DNASE1: variants seen among roughly 807,000 people sequenced by gnomAD.
DNASE1 encodes the protein deoxyribonuclease 1.
In DNASE1, 40 loss-of-function variants were observed where a neutral mutation model predicts 33.9. The observed-to-expected ratio is 1.18, with a 90% CI of 0.92 to 1.54. DNASE1 has a LOEUF of 1.54. Ranked by LOEUF, DNASE1 falls within the 40% of genes most tolerant of loss-of-function variation. DNASE1 has a pLI of 0.00. For synonymous variants in DNASE1, 216 were observed against 160.0 expected (o/e 1.35, Z -2.64); for missense variants, 518 against 372.6 (o/e 1.39, Z -3.21).
intron 1 of DNASE1, among the ~76,000 whole-genome samples, chr16:3,629,494 G>T (rs551936918): frequency 5.3e-5 from 8 of 152,284 alleles, no homozygotes; most frequent in African/African-American, 1.9e-4. Flanking sequence ...GCTAGTATTT[G>T]TAGAGGATTT....
chr16:3,662,592 G>C (rs2043148697), downstream of DNASE1: 1 of 622,978 alleles, frequency 1.6e-6, no homozygotes. Flanking sequence ...CCCTTGTTTG[G>C]AACCCCCACG....
downstream of DNASE1, chr16:3,660,750 CAT>C (rs969810861): frequency 2.0e-5 from 3 of 152,128 alleles, no homozygotes; most frequent in African/African-American, 7.2e-5. Flanking sequence ...AAAAACTAGA[CAT>C]GTACTAAAGA....
chr16:3,625,706 G>A (rs967258626), intron 1 of DNASE1, among the ~76,000 whole-genome samples: 2 of 152,148 alleles, frequency 1.3e-5, no homozygotes, highest in African/African-American at 2.4e-5. Context: ...TGACTTTGGG[G>A]TAGGCAAAAA....
At position 3,658,007 on chromosome 16, in the gene DNASE1, C is replaced by A. The variant is rs1036462846; in HGVS notation, c.*54C>A. 4.3e-6 allele frequency: 7 copies of A among 1,611,806 alleles called. No homozygotes were observed. The African/African-American group carries it at 9.4e-5, about 22-fold the overall frequency. ...CAGGAAGAGAGGACCCATCCTGCCACAGGACCCAGAAAAAAAGCCCAACAC... is the reference window on the plus strand; with the variant it reads ...CAGGAAGAGAGGACCCATCCTGCCAAAGGACCCAGAAAAAAAGCCCAACAC... On this transcript the variant is annotated 3_prime_UTR_variant, in exon 9 of 9. Coordinates refer to ENST00000246949, the MANE Select transcript of DNASE1 (RefSeq NM_005223.4).
upstream of DNASE1, chr16:3,654,623 C>T (rs1421496290): frequency 5.0e-6 from 2 of 398,792 alleles, no homozygotes; most frequent in Non-Finnish European, 8.8e-6. Context: ...GTGCAAGGGA[C>T]ACGGGATAGG....
downstream of DNASE1, chr16:3,658,143 G>A: frequency 1.9e-6 from 3 of 1,614,082 alleles, no homozygotes; most frequent in Non-Finnish European, 1.7e-6. Context: ...TGTCGCTCCA[G>A]GGCCTTGACA....
At chr16:3,638,137 G>T (rs1322546295), upstream of DNASE1, among the ~76,000 whole-genome samples, 1 of 150,470 alleles carries the variant, frequency 6.6e-6, no homozygotes, top group Non-Finnish European at 1.5e-5. Flanking sequence ...GTGTGTGTGT[G>T]TGTTTTTCCC....
At chr16:3,663,562 C>T in exon 10 of DNASE1, 1 of 1,613,772 alleles carries the variant, frequency 6.2e-7, no homozygotes, top group Non-Finnish European at 8.5e-7. Flanking sequence ...CAGAAGAGAA[C>T]CTGCAGGTGG....
chr16:3,659,399 G>A (rs1743189607), downstream of DNASE1: 1 of 152,222 alleles, frequency 6.6e-6, no homozygotes, highest in South Asian at 2.1e-4. Flanking sequence ...GTAAATTCCA[G>A]AGGGATCAAA....
At chr16:3,611,952 G>A (rs2040892186) in exon 1 of DNASE1, 1 of 152,356 alleles carries the variant, frequency 6.6e-6, no homozygotes, top group African/African-American at 2.4e-5. Flanking sequence ...ACGGTGTGAG[G>A]GGGACCGGGA....
chr16:3,631,350 G>GC (rs1022748640), intron 1 of DNASE1, among the ~76,000 whole-genome samples: 3 of 151,696 alleles, frequency 2.0e-5, no homozygotes, highest in African/African-American at 7.3e-5. Context: ...GACTACAAGT[G>GC]CCCCCCACCA....
downstream of DNASE1, chr16:3,659,651 T>C (rs1012785688): frequency 2.0e-5 from 3 of 152,136 alleles, no homozygotes; most frequent in Non-Finnish European, 4.4e-5. Flanking sequence ...GTACAACCTC[T>C]CCAGAGGACA....
At chr16:3,627,643 C>T (rs769909685) in intron 1 of DNASE1, among the ~76,000 whole-genome samples, 3 of 152,114 alleles carry the variant, frequency 2.0e-5, no homozygotes, top group Non-Finnish European at 4.4e-5. Context: ...CCAGTTTTCT[C>T]AGCAACATTT....
intron 3 of DNASE1, 43 bp downstream of exon 3, chr16:3,655,980 C>G (rs1410391824): frequency 2.5e-6 from 4 of 1,612,860 alleles, no homozygotes; most frequent in Non-Finnish European, 3.4e-6. Flanking sequence ...ACATCTCGTC[C>G]ACGGCACAGC....
Position 3,618,150 on chromosome 16 carries a change from C to G in DNASE1, c.-1359+6144C>G, listed in dbSNP as rs562549617. On this transcript the variant is annotated intron_variant and NMD_transcript_variant, in intron 1 of 11. Transcript: ENST00000570769. ...CATTCCAAAGAGTGGCAGGTGCCAA[C>G]AAGCACATGAAAAGATGATCAGCAT... Among the ~76,000 whole-genome samples the G allele has an allele frequency of 2.9e-5, 4 of 139,168 alleles. No homozygotes were observed. In the East Asian group the frequency reaches 8.3e-4, roughly 29 times the overall value. The allele number at this position is 139,168 out of a possible 152,430, so 91.3% of individuals were successfully genotyped here.
intron 7 of DNASE1, among the ~76,000 whole-genome samples, 169 bp downstream of exon 7, chr16:3,657,510 C>T (rs150541743): frequency 4.6e-5 from 7 of 152,198 alleles, no homozygotes; most frequent in Admixed American, 6.5e-5. Flanking sequence ...TAGGTTTTTT[C>T]GGAAAAGCAC....
downstream of DNASE1, chr16:3,662,841 C>T: frequency 1.2e-6 from 2 of 1,602,062 alleles, no homozygotes; most frequent in Non-Finnish European, 1.7e-6. Context: ...CTGTTAGGGA[C>T]ACTGCGGCCA....
At position 3,617,290 on chromosome 16, in the gene DNASE1, C is replaced by T. The variant is rs112913933; in HGVS notation, c.-1359+5284C>T. Among the ~76,000 whole-genome samples the T allele has an allele frequency of 9.9e-3, 1,334 of 134,982 alleles. 19 individuals are homozygous for T. Among genetic ancestry groups the T allele is most frequent in the African/African-American group, 0.037 (1,249 of 33,412 alleles). The allele number at this position is 134,982 out of a possible 152,430, so 88.6% of individuals were successfully genotyped here. A position where few individuals can be genotyped will look rare whatever the true frequency, so the allele number is the denominator to read the frequency against. On this transcript the variant is annotated intron_variant and NMD_transcript_variant, in intron 1 of 11. Coordinates refer to the DNASE1 transcript ENST00000570769. Reference sequence around the variant, plus strand: ...GCGGTGAGCCGAGATCGCACCACTACGCTCCAGCCTAGTCAACAAGAGCGA... The same window carrying T: ...GCGGTGAGCCGAGATCGCACCACTATGCTCCAGCCTAGTCAACAAGAGCGA...
intron 1 of DNASE1, among the ~76,000 whole-genome samples, chr16:3,622,518 C>CT (rs1479145799): frequency 6.6e-5 from 10 of 152,010 alleles, no homozygotes; most frequent in Admixed American, 2.0e-4. Context: ...TGTGATTAAT[C>CT]TTTTTCCTAT....
Sources: allele counts gnomAD v4.1 joint callset (sites outside exome capture counted in the v4.1 genomes callset), GRCh38; gene constraint gnomAD v4.1.1; transcripts MANE v1.5; gene names NCBI Gene and HGNC (gene_info 2026-07-23, HGNC 2026-07-21).